ZC3H13: variants seen among roughly 807,000 people sequenced by gnomAD.
ZC3H13 encodes the protein zinc finger CCCH domain-containing protein 13.
Under a neutral mutation model 204.1 loss-of-function variants are expected in ZC3H13, and 64 were observed. That is an observed-to-expected ratio of 0.31 (90% CI 0.26 to 0.39). The LOEUF is 0.39. ZC3H13 is among the 10% of genes least tolerant of loss of function. ZC3H13 has a pLI of 1.00. For synonymous variants in ZC3H13, 667 were observed against 693.7 expected, an observed-to-expected ratio of 0.96 and a Z score of 0.60; for missense variants, 1,833 against 2,082.7, an observed-to-expected ratio of 0.88 and a Z score of 2.33.
intron 5 of ZC3H13, among the ~76,000 whole-genome samples, chr13:46,014,709 C>G (rs939360129): frequency 3.3e-5 from 5 of 152,160 alleles, no homozygotes; most frequent in Non-Finnish European, 5.9e-5. Context: ...TCTGAATACA[C>G]AGAGTAAAAT....
At position 45,979,959 on chromosome 13, in the gene ZC3H13, T is replaced by C; in HGVS notation, c.1766A>G (p.Asn589Ser). 6.2e-7 allele frequency: 1 copy of C among 1,611,278 alleles called. No homozygotes were observed. ...TTCCCAGCTGTCATGATAGTTGCTATTACTACTGTGACTATCAATTTGAGA... is the reference window on the plus strand; with the variant it reads ...TTCCCAGCTGTCATGATAGTTGCTACTACTACTGTGACTATCAATTTGAGA... The part of the protein sequence containing the change: ...RGSQIDSHSS[N>S]SNYHDSWETR... The change falls in exon 11 of 19, where the codon AAT (asparagine) becomes AGT (serine). Residue 589 changes from asparagine (N) to serine (S), a missense_variant. This residue lies in a region of ZC3H13 where 1,574 missense variants were observed against 1,757.2 expected (regional missense o/e 0.90). Transcript: ENST00000679008.
chr13:46,014,821 C>T (rs1441020732), intron 5 of ZC3H13, among the ~76,000 whole-genome samples: 10 of 152,170 alleles, frequency 6.6e-5, no homozygotes, highest in Admixed American at 6.5e-4. Flanking sequence ...TTACATTTTT[C>T]CCTTTAACAT....
rs1953430742 is a variant in ZC3H13 at position 45,980,132 on chromosome 13, C to T, written c.1721-128G>A. 3.7e-6 allele frequency: 3 copies of T among 811,940 alleles called. No individual in the cohort carries two copies. The East Asian group carries it at 9.9e-5, about 27-fold the overall frequency. 50.3% of individuals were successfully genotyped at this position (811,940 alleles called of 1,614,324 possible). A position where few individuals can be genotyped will look rare whatever the true frequency, so the allele number is the denominator to read the frequency against. On this transcript the variant is annotated intron_variant, in intron 10 of 18. Coordinates refer to ENST00000679008, the MANE Select transcript of ZC3H13 (RefSeq NM_001330564.2). ...AATATTCCAAAGTGTGGTAATCACT[C>T]CTGAAAAGAGTATCAAGCAATGAAT...
chr13:45,957,692 T>A (rs1387282473), intron 18 of ZC3H13, among the ~76,000 whole-genome samples: 2 of 152,222 alleles, frequency 1.3e-5, no homozygotes, highest in Non-Finnish European at 2.9e-5. Flanking sequence ...TAATTCAATC[T>A]TACCTTTACT....
rs928817920 is a variant in ZC3H13 at position 45,989,204 on chromosome 13, C to T, written c.945-107G>A. The T allele has an allele frequency of 7.3e-6, 8 of 1,094,986 alleles. No individual in the cohort carries two copies. The East Asian group carries it at 1.3e-4, about 18-fold the overall frequency. The allele number at this position is 1,094,986 out of a possible 1,614,324, so 67.8% of individuals were successfully genotyped here. ...GTGAATATGAAAGTATAGACAATAA[C>T]TTCAGAATAAATTTTAATTCACAAT... On this transcript the variant is annotated intron_variant, in intron 8 of 18. Transcript: ENST00000679008.
At chr13:45,960,577 C>G (rs566457063) in intron 17 of ZC3H13, among the ~76,000 whole-genome samples, 2 of 152,056 alleles carry the variant, frequency 1.3e-5, no homozygotes, top group South Asian at 4.2e-4. Context: ...GGAGAAAACA[C>G]TGAACATACA....
intron 7 of ZC3H13, 91 bp from the exon 8 acceptor site, chr13:46,003,427 A>G (rs761425649): frequency 8.3e-7 from 1 of 1,197,812 alleles, no homozygotes; most frequent in Non-Finnish European, 1.2e-6. Context: ...GTTCCTTTAC[A>G]TTACTTGCCC....
intron 1 of ZC3H13, chr13:46,051,858 A>G (rs1025587002): frequency 6.6e-6 from 1 of 152,194 alleles, no homozygotes; most frequent in African/African-American, 2.4e-5. Context: ...TTACAGAGAG[A>G]TAATGCCGCC....
In ZC3H13 at chr13:45,965,033, T is replaced by C. The variant is rs528963514; in HGVS notation, c.4474+247A>G. ...GTCATATAATATGATTCTTAAATTC[T>C]GGAAAATAAACTTTAGAATTTTGCT... On this transcript the variant is annotated intron_variant, in intron 16 of 18. Transcript: ENST00000679008. Among the ~76,000 whole-genome samples, 5 of 152,304 alleles carry C rather than the reference T, an allele frequency of 3.3e-5. No individual in the cohort carries two copies. In the South Asian group the frequency reaches 1.0e-3, roughly 32 times the overall value.
chr13:46,021,832 GAAGAA>G (rs1042538576), intron 4 of ZC3H13, among the ~76,000 whole-genome samples: 4 of 151,874 alleles, frequency 2.6e-5, no homozygotes, highest in Admixed American at 2.0e-4. Flanking sequence ...GAACATCAAT[GAAGAA>G]CTATCCTACA....
intron 10 of ZC3H13, among the ~76,000 whole-genome samples, chr13:45,983,287 C>G (rs1353488120): frequency 6.7e-6 from 1 of 149,966 alleles, no homozygotes; most frequent in Non-Finnish European, 1.5e-5. Flanking sequence ...GGGGAGAGAA[C>G]TTAATCCTTA....
intron 5 of ZC3H13, among the ~76,000 whole-genome samples, chr13:46,019,684 G>T (rs1566299695): frequency 6.6e-6 from 1 of 152,066 alleles, no homozygotes; most frequent in African/African-American, 2.4e-5. Flanking sequence ...ACTCAAAAAT[G>T]ATTTTGCTCC....
At chr13:46,021,080 T>G (rs988383094) in intron 4 of ZC3H13, among the ~76,000 whole-genome samples, 1 of 152,016 alleles carries the variant, frequency 6.6e-6, no homozygotes, top group Non-Finnish European at 1.5e-5. Flanking sequence ...TTGTCATATA[T>G]TCAAGTAATT....
At chr13:45,993,794 T>A (rs1298099516) in intron 8 of ZC3H13, among the ~76,000 whole-genome samples, 1 of 152,212 alleles carries the variant, frequency 6.6e-6, no homozygotes, top group Non-Finnish European at 1.5e-5. Flanking sequence ...TGAACAATCT[T>A]ACAGAACTAG....
Position 45,955,579 on chromosome 13 carries a change from TA to T in ZC3H13, c.*1547del, listed in dbSNP as rs1389749924. ...TTCTGAGAACTAGGATTAGAAATTC[TA>T]GGACTTTAAATCTTTGTGCTACAGA... On this transcript the variant is annotated 3_prime_UTR_variant, in exon 19 of 19. Transcript: ENST00000679008. 10 of 152,178 alleles carry T rather than the reference TA, an allele frequency of 6.6e-5. No homozygotes were observed. Among genetic ancestry groups the T allele is most frequent in the Non-Finnish European group, 1.5e-4 (10 of 67,994 alleles). 9.4% of individuals were successfully genotyped at this position (152,178 alleles called of 1,614,324 possible).
intron 8 of ZC3H13, among the ~76,000 whole-genome samples, chr13:45,998,144 A>G (rs563885470): frequency 6.6e-6 from 1 of 152,320 alleles, no homozygotes; most frequent in Admixed American, 6.5e-5. Flanking sequence ...ACCTTTAATT[A>G]CATTCCTTAT....
chr13:45,957,997 T>C (rs963632297), intron 18 of ZC3H13, among the ~76,000 whole-genome samples: 4 of 152,096 alleles, frequency 2.6e-5, no homozygotes, highest in African/African-American at 4.8e-5. Flanking sequence ...TGTTACAAAA[T>C]ACAAAACAAA....
At chr13:46,003,364 A>C in intron 7 of ZC3H13, 28 bp from the exon 8 acceptor site, 1 of 1,580,672 alleles carries the variant, frequency 6.3e-7, no homozygotes, top group African/African-American at 1.4e-5. Context: ...CTATCATTAG[A>C]GGTTCAAATA....
chr13:46,033,007 T>C (rs1360629879), intron 4 of ZC3H13, among the ~76,000 whole-genome samples: 1 of 151,972 alleles, frequency 6.6e-6, no homozygotes, highest in Non-Finnish European at 1.5e-5. Flanking sequence ...ATGTGTGTAT[T>C]AAAACAGCCG....
Sources: allele counts gnomAD v4.1 joint callset (sites outside exome capture counted in the v4.1 genomes callset), GRCh38; gene constraint gnomAD v4.1.1; regional missense constraint gnomAD v4.1.1; transcripts MANE v1.5; gene names NCBI Gene and HGNC (gene_info 2026-07-23, HGNC 2026-07-21).